HDAC9: variants seen among roughly 807,000 people sequenced by gnomAD.
HDAC9 encodes the protein MEF-2 interacting transcription repressor (MITR) protein.
In HDAC9, 41 loss-of-function variants were observed where a neutral mutation model predicts 139.4. The ratio of observed to expected loss-of-function variants is 0.29; its 90% CI spans 0.23 to 0.38. HDAC9 has a LOEUF of 0.38. Ranked by LOEUF, HDAC9 falls within the 10% of genes least tolerant of loss-of-function variation. HDAC9 has a pLI of 1.00. For missense variants in HDAC9, 1,147 were observed against 1,297.0 expected (o/e 0.88, Z 1.78); for synonymous variants, 517 against 476.2 (o/e 1.09, Z -1.12).
intron 23 of HDAC9, chr7:18,949,010 CCTTT>C (rs2091627503): frequency 9.9e-6 from 4 of 405,832 alleles, no homozygotes; most frequent in South Asian, 7.9e-5. Flanking sequence ...AAGAGAACCA[CCTTT>C]TTGTGTACTT....
chr7:18,715,553 T>G (rs888270034), intron 12 of HDAC9, among the ~76,000 whole-genome samples: 1 of 152,130 alleles, frequency 6.6e-6, no homozygotes, highest in African/African-American at 2.4e-5. Context: ...ATTCTCCTAA[T>G]GTTATGTTTA....
chr7:18,559,810 T>C (rs531847712), intron 2 of HDAC9, among the ~76,000 whole-genome samples: 43 of 152,344 alleles, frequency 2.8e-4, no homozygotes, highest in Non-Finnish European at 5.4e-4. Flanking sequence ...AGATACTTTT[T>C]AATCCTCAAA....
intron 2 of HDAC9, among the ~76,000 whole-genome samples, chr7:18,193,457 G>A (rs1343151633): frequency 1.3e-5 from 2 of 152,112 alleles, no homozygotes; most frequent in African/African-American, 4.8e-5. Context: ...CTTTGCTTGT[G>A]GTGTACAGGG....
chr7:18,102,541 A>G (rs1459040976), intron 1 of HDAC9, among the ~76,000 whole-genome samples: 2 of 152,246 alleles, frequency 1.3e-5, no homozygotes, highest in Non-Finnish European at 2.9e-5. Context: ...GCAAAATTGA[A>G]CCAAAATATA....
At chr7:18,289,397 G>A (rs946893452), upstream of HDAC9, among the ~76,000 whole-genome samples, 1 of 152,084 alleles carries the variant, frequency 6.6e-6, no homozygotes, top group Non-Finnish European at 1.5e-5. Context: ...ACTAAGAAGG[G>A]TATCAATGAC....
In HDAC9 at chr7:19,000,237, T is replaced by A. The variant is rs1353010143; in HGVS notation, c.*4175T>A. ...TAGTACAGTCTCCAGCAGGATTTTG[T>A]ACCATGTGCTGCCTTTGGAATAAAG... On this transcript the variant is annotated 3_prime_UTR_variant, in exon 26 of 26. Coordinates refer to ENST00000686413, the MANE Select transcript of HDAC9 (RefSeq NM_178425.4). The A allele has an allele frequency of 6.6e-6, 1 of 152,220 alleles. No homozygotes were observed. 9.4% of individuals were successfully genotyped at this position (152,220 alleles called of 1,614,324 possible).
At chr7:18,795,579 T>G (rs1322419202) in intron 17 of HDAC9, among the ~76,000 whole-genome samples, 2 of 152,238 alleles carry the variant, frequency 1.3e-5, no homozygotes, top group African/African-American at 4.8e-5. Flanking sequence ...GTTATCTTTC[T>G]GATTGCCAAG....
At chr7:18,459,944 CTT>C (rs773866817) in intron 1 of HDAC9, among the ~76,000 whole-genome samples, 11 of 129,308 alleles carry the variant, frequency 8.5e-5, no homozygotes, top group Non-Finnish European at 1.0e-4. Context: ...TACAGATTTG[CTT>C]TTTTTTTTTT....
intron 2 of HDAC9, among the ~76,000 whole-genome samples, chr7:18,497,646 C>T (rs955728264): frequency 2.0e-5 from 3 of 152,154 alleles, no homozygotes; most frequent in Non-Finnish European, 4.4e-5. Context: ...GCAAAGCTGA[C>T]AAGGGCTCCG....
intron 21 of HDAC9, among the ~76,000 whole-genome samples, chr7:18,858,458 A>G (rs1797855736): frequency 6.6e-6 from 1 of 152,158 alleles, no homozygotes; most frequent in Admixed American, 6.6e-5. Context: ...TCAATATCAC[A>G]GGAACAGGAT....
At chr7:18,361,202 C>A (rs367966095) in intron 1 of HDAC9, among the ~76,000 whole-genome samples, 4 of 152,164 alleles carry the variant, frequency 2.6e-5, no homozygotes, top group African/African-American at 9.6e-5. Context: ...GAGATGTATT[C>A]CTTTGTCTGA....
In HDAC9 at chr7:18,629,496, G is replaced by A; in HGVS notation, c.796+15G>A. The A allele has an allele frequency of 1.9e-6, 3 of 1,607,446 alleles. No individual in the cohort carries two copies. Among genetic ancestry groups the A allele is most frequent in the East Asian group, 2.2e-5 (1 of 44,566 alleles). On this transcript the variant is annotated intron_variant, in intron 7 of 25. Coordinates refer to ENST00000686413, the MANE Select transcript of HDAC9 (RefSeq NM_178425.4). Reference sequence around the variant, plus strand: ...TGAGGTGACAGGTAATTGAGGACTGGGCAGACCTATGAATGCTGGGAGTAG... The same window carrying A: ...TGAGGTGACAGGTAATTGAGGACTGAGCAGACCTATGAATGCTGGGAGTAG...
At chr7:18,708,345 C>T (rs1379368404) in intron 12 of HDAC9, among the ~76,000 whole-genome samples, 2 of 152,108 alleles carry the variant, frequency 1.3e-5, no homozygotes, top group South Asian at 2.1e-4. Context: ...CTTGAAAGGC[C>T]AGCTGAGGCT....
intron 2 of HDAC9, among the ~76,000 whole-genome samples, chr7:18,257,401 CCACACACA>C (rs773964606): frequency 1.5e-5 from 2 of 130,954 alleles, no homozygotes; most frequent in African/African-American, 2.9e-5. Flanking sequence ...TCTGTCTCTC[CCACACACA>C]CACACACACA....
At chr7:18,510,131 A>C (rs1281312906) in intron 2 of HDAC9, among the ~76,000 whole-genome samples, 3 of 152,288 alleles carry the variant, frequency 2.0e-5, no homozygotes, top group East Asian at 3.9e-4. Flanking sequence ...TTTGCCCCCA[A>C]ATTAAAATTA....
At chr7:18,608,464 C>G (rs1212670983) in intron 6 of HDAC9, among the ~76,000 whole-genome samples, 1 of 152,008 alleles carries the variant, frequency 6.6e-6, no homozygotes, top group Non-Finnish European at 1.5e-5. Context: ...ATTTTTATTT[C>G]AATATTCACA....
intron 2 of HDAC9, among the ~76,000 whole-genome samples, chr7:18,208,256 G>A (rs1791682545): frequency 6.6e-6 from 1 of 151,880 alleles, no homozygotes; most frequent in Non-Finnish European, 1.5e-5. Flanking sequence ...TCTCATCCTA[G>A]CTACCACTTC....
chr7:18,233,594 A>T (rs1793617678), intron 2 of HDAC9, among the ~76,000 whole-genome samples: 2 of 152,138 alleles, frequency 1.3e-5, no homozygotes, highest in African/African-American at 4.8e-5. Context: ...CTAATTTATA[A>T]AACAAGTTGT....
At chr7:18,976,518 C>A (rs947181910) in intron 25 of HDAC9, among the ~76,000 whole-genome samples, 1 of 152,132 alleles carries the variant, frequency 6.6e-6, no homozygotes, top group African/African-American at 2.4e-5. Context: ...GAACTTGGGG[C>A]TGATTTTATT....
Sources: gnomAD v4.1 joint callset for allele counts (sites outside exome capture counted in the v4.1 genomes callset) on GRCh38, gnomAD v4.1.1 for gene constraint, MANE v1.5 for transcripts, NCBI Gene and HGNC (gene_info 2026-07-23, HGNC 2026-07-21) for gene names.